The following ADGRB3 variants were observed in gnomAD, a reference collection of about 807,000 sequenced individuals.
ADGRB3 encodes the protein brain-specific angiogenesis inhibitor 3.
Under a neutral mutation model 193.4 loss-of-function variants are expected in ADGRB3, and 37 were observed. The ratio of observed to expected loss-of-function variants is 0.19; its 90% CI spans 0.15 to 0.25. ADGRB3 has a LOEUF of 0.25. ADGRB3 is among the 10% of genes least tolerant of loss of function. The pLI is 1.00. For missense variants in ADGRB3, 1,637 were observed against 1,852.9 expected (o/e 0.88, Z 2.14); for synonymous variants, 690 against 644.2 (o/e 1.07, Z -1.08).
intron 3 of ADGRB3, among the ~76,000 whole-genome samples, chr6:68,783,893 AAT>A (rs1158820521): frequency 1.3e-5 from 2 of 152,006 alleles, no homozygotes; most frequent in Non-Finnish European, 2.9e-5. Flanking sequence ...TGGGAGTTTA[AAT>A]GTTACCTTCG....
intron 17 of ADGRB3, among the ~76,000 whole-genome samples, chr6:69,195,660 G>A (rs1561948969): frequency 1.3e-5 from 2 of 151,616 alleles, no homozygotes; most frequent in South Asian, 2.1e-4. Flanking sequence ...ACAAGGGCAG[G>A]TTTTCATTTA....
At chr6:69,355,593 T>A (rs931925614) in intron 27 of ADGRB3, among the ~76,000 whole-genome samples, 2 of 152,344 alleles carry the variant, frequency 1.3e-5, no homozygotes, top group East Asian at 3.9e-4. Context: ...TATTGTATTA[T>A]CTTATTAAAA....
chr6:69,009,311 G>T (rs145246309), intron 11 of ADGRB3, among the ~76,000 whole-genome samples: 1 of 152,062 alleles, frequency 6.6e-6, no homozygotes. Flanking sequence ...AACTGGGGAG[G>T]GGGGAGTGAT....
intron 3 of ADGRB3, among the ~76,000 whole-genome samples, chr6:68,745,596 T>G (rs1186678032): frequency 2.6e-5 from 4 of 152,188 alleles, no homozygotes; most frequent in Admixed American, 2.6e-4. Context: ...ATATTCTCAG[T>G]AGATATTCTG....
intron 21 of ADGRB3, 27 bp downstream of exon 21, chr6:69,325,049 G>C: frequency 6.3e-7 from 1 of 1,597,428 alleles, no homozygotes; most frequent in African/African-American, 1.3e-5. Context: ...ACCGTTTCAT[G>C]CTCTTCTCAA....
intron 20 of ADGRB3, among the ~76,000 whole-genome samples, chr6:69,291,368 A>T (rs140623815): frequency 4.4e-4 from 67 of 152,274 alleles, no homozygotes; most frequent in African/African-American, 1.5e-3. Flanking sequence ...TATTATTCCT[A>T]TTTCAAAGAG....
intron 3 of ADGRB3, among the ~76,000 whole-genome samples, chr6:68,925,739 A>G (rs1326093328): frequency 2.0e-5 from 3 of 152,048 alleles, no homozygotes; most frequent in African/African-American, 7.2e-5. Context: ...ATGTAGCTCA[A>G]TAATATTTTG....
At chr6:68,934,346 A>AT (rs1767428627) in intron 4 of ADGRB3, among the ~76,000 whole-genome samples, 1 of 152,182 alleles carries the variant, frequency 6.6e-6, no homozygotes, top group Non-Finnish European at 1.5e-5. Context: ...GTTCAGCATC[A>AT]TTGCAGTATC....
At chr6:69,113,392 G>T (rs1366348707) in intron 17 of ADGRB3, among the ~76,000 whole-genome samples, 1 of 151,688 alleles carries the variant, frequency 6.6e-6, no homozygotes, top group African/African-American at 2.4e-5. Context: ...ATATATGTGT[G>T]TATATATCAT....
rs1429628618 is a variant in ADGRB3, at chr6:69,382,742, C to T, written c.4276-89C>T. 12 of 935,298 alleles carry T rather than the reference C, an allele frequency of 1.3e-5. No homozygotes were observed. The African/African-American group carries it at 2.1e-4, about 16-fold the overall frequency. 57.9% of individuals were successfully genotyped at this position (935,298 alleles called of 1,614,324 possible). Reference sequence around the variant, plus strand: ...CTGGTTCCTGCCAAACTTGATTACCCTTATTATTAAAGCAAAAATATTAAA... The same window carrying T: ...CTGGTTCCTGCCAAACTTGATTACCTTTATTATTAAAGCAAAAATATTAAA... On this transcript the variant is annotated intron_variant, in intron 30 of 31. Transcript: ENST00000370598.
chr6:68,680,136 G>T (rs1188737306), intron 3 of ADGRB3, among the ~76,000 whole-genome samples: 2 of 152,264 alleles, frequency 1.3e-5, no homozygotes, highest in East Asian at 3.9e-4. Context: ...TAGATTTCTA[G>T]CCTCCAGAAC....
chr6:69,202,113 T>C (rs1256684784), intron 17 of ADGRB3, among the ~76,000 whole-genome samples: 4 of 152,174 alleles, frequency 2.6e-5, no homozygotes, highest in Non-Finnish European at 5.9e-5. Context: ...GTCACTCTTA[T>C]CTTGAAGATA....
chr6:69,357,510 A>C (rs946471785), intron 28 of ADGRB3, among the ~76,000 whole-genome samples: 11 of 151,974 alleles, frequency 7.2e-5, no homozygotes, highest in African/African-American at 2.7e-4. Flanking sequence ...GTTGAATGGC[A>C]TGAAACCTAG....
chr6:68,941,687 G>A (rs1409331711), intron 5 of ADGRB3, among the ~76,000 whole-genome samples: 1 of 151,720 alleles, frequency 6.6e-6, no homozygotes, highest in Non-Finnish European at 1.5e-5. Flanking sequence ...GAGGAGAAAA[G>A]GTTTTTAAAA....
At chr6:69,090,967 T>C (rs535154136) in intron 17 of ADGRB3, among the ~76,000 whole-genome samples, 8 of 152,270 alleles carry the variant, frequency 5.3e-5, no homozygotes, top group African/African-American at 1.9e-4. Context: ...TAAAAGTATA[T>C]TTAAAAATGC....
At chr6:68,787,365 C>G (rs995266329) in intron 3 of ADGRB3, among the ~76,000 whole-genome samples, 2 of 151,964 alleles carry the variant, frequency 1.3e-5, no homozygotes, top group African/African-American at 2.4e-5. Context: ...TAGCATGAAG[C>G]GTTGTTGAAT....
intron 3 of ADGRB3, among the ~76,000 whole-genome samples, chr6:68,712,008 T>C (rs1257098453): frequency 6.6e-6 from 1 of 152,050 alleles, no homozygotes; most frequent in Non-Finnish European, 1.5e-5. Flanking sequence ...TTCTGTCTGT[T>C]CTTGCCTTGA....
At position 68,981,940 on chromosome 6, in the gene ADGRB3, C is replaced by T. The variant is rs1030059999; in HGVS notation, c.1734+6600C>T. On this transcript the variant is annotated intron_variant, in intron 10 of 31. Transcript: ENST00000370598. ...TTGCCCAGGCTAGAGTGCAATGGTG[C>T]GATCTCGGCTCACTGCAACCTCTGC... 4.2e-5 allele frequency among the ~76,000 whole-genome samples: 6 copies of T among 143,418 alleles called. 1 individual carries two copies. The highest frequency in any genetic ancestry group is 1.2e-4 in the African/African-American group (5 of 40,662). The allele number at this position is 143,418 out of a possible 152,430, so 94.1% of individuals were successfully genotyped here. A position where few individuals can be genotyped will look rare whatever the true frequency, so the allele number is the denominator to read the frequency against.
intron 20 of ADGRB3, among the ~76,000 whole-genome samples, chr6:69,253,646 G>A (rs1401607366): frequency 6.6e-6 from 1 of 152,022 alleles, no homozygotes; most frequent in Non-Finnish European, 1.5e-5. Context: ...CTGCTCTAGG[G>A]CAAATACTCT....
Sources: allele counts gnomAD v4.1 joint callset (sites outside exome capture counted in the v4.1 genomes callset), GRCh38; gene constraint gnomAD v4.1.1; transcripts MANE v1.5; gene names NCBI Gene and HGNC (gene_info 2026-07-23, HGNC 2026-07-21).